QTMAN: variants seen among roughly 807,000 people sequenced by gnomAD.
QTMAN encodes the protein queuosine-tRNA mannosyltransferase, also known as tRNA-queuosine alpha-mannosyltransferase.
the QTMAN span, chr2:144,007,550 G>T: frequency 1.3e-6 from 2 of 1,502,804 alleles, no homozygotes; most frequent in Admixed American, 4.4e-5. Context: ...TACAAAAAAA[G>T]AATGCAATAT....
chr2:144,259,945 A>C, the QTMAN span, among the ~76,000 whole-genome samples: 1 of 152,170 alleles, frequency 6.6e-6, no homozygotes, highest in Non-Finnish European at 1.5e-5. Context: ...TTAATTATAA[A>C]ATAGAATGCA....
At chr2:144,183,555 T>C in the QTMAN span, among the ~76,000 whole-genome samples, 1 of 152,212 alleles carries the variant, frequency 6.6e-6, no homozygotes, top group East Asian at 1.9e-4. Context: ...TCATTCTATA[T>C]GGCTAGAAAT....
At chr2:144,113,364 C>T in the QTMAN span, among the ~76,000 whole-genome samples, 10 of 151,580 alleles carry the variant, frequency 6.6e-5, no homozygotes, top group Admixed American at 3.3e-4. Context: ...CAAAAAGAAT[C>T]GGTGACCCTG....
the QTMAN span, chr2:144,145,697 A>T: frequency 6.2e-7 from 1 of 1,611,676 alleles, no homozygotes; most frequent in Non-Finnish European, 8.5e-7. Context: ...GCCGAAGGGC[A>T]GCCAGTTCGG....
chr2:144,318,017 CAT>C, the QTMAN span, among the ~76,000 whole-genome samples: 2 of 152,070 alleles, frequency 1.3e-5, no homozygotes, highest in Non-Finnish European at 2.9e-5. Flanking sequence ...AAAGGAAAAA[CAT>C]AAACTGCAAT....
the QTMAN span, among the ~76,000 whole-genome samples, chr2:143,986,282 G>C: frequency 5.1e-4 from 77 of 152,230 alleles, 1 homozygote; most frequent in East Asian, 0.013. Flanking sequence ...AGAATTTTTG[G>C]CCTCAAAAAA....
the QTMAN span, among the ~76,000 whole-genome samples, chr2:144,023,308 G>GAAA: frequency 1.1e-3 from 163 of 149,446 alleles, 2 homozygotes; most frequent in African/African-American, 3.9e-3. Context: ...CCTTAAAAAG[G>GAAA]AAAAAAAAAG....
chr2:143,954,773 A>T, the QTMAN span, among the ~76,000 whole-genome samples: 1 of 151,986 alleles, frequency 6.6e-6, no homozygotes, highest in Non-Finnish European at 1.5e-5. Context: ...TATTTTTTTT[A>T]AATTATCTCA....
the QTMAN span, among the ~76,000 whole-genome samples, chr2:143,982,098 C>T: frequency 6.6e-6 from 1 of 152,186 alleles, no homozygotes; most frequent in African/African-American, 2.4e-5. Flanking sequence ...CTAATAACAT[C>T]ACGTGCTATA....
the QTMAN span, chr2:144,211,406 T>C: frequency 6.6e-6 from 1 of 152,576 alleles, no homozygotes; most frequent in Non-Finnish European, 1.5e-5. Context: ...CTAGGGAAAA[T>C]AACTATGTCC....
chr2:144,181,743 G>A, the QTMAN span, among the ~76,000 whole-genome samples: 1 of 152,058 alleles, frequency 6.6e-6, no homozygotes, highest in Non-Finnish European at 1.5e-5. Context: ...CCCGGGAGAT[G>A]GAGGCCGCAG....
At chr2:144,119,470 G>A in the QTMAN span, among the ~76,000 whole-genome samples, 1 of 152,170 alleles carries the variant, frequency 6.6e-6, no homozygotes, top group African/African-American at 2.4e-5. Flanking sequence ...CGTCTTCTCT[G>A]CAATCCCTGT....
the QTMAN span, among the ~76,000 whole-genome samples, chr2:144,073,653 C>T: frequency 7.2e-5 from 11 of 152,134 alleles, no homozygotes; most frequent in African/African-American, 1.7e-4. Context: ...GATAACATAA[C>T]GTTTGAAAAA....
the QTMAN span, among the ~76,000 whole-genome samples, chr2:143,978,999 G>T: frequency 3.9e-5 from 6 of 152,126 alleles, no homozygotes; most frequent in African/African-American, 1.4e-4. Flanking sequence ...ATGTTTGCAA[G>T]AATTGTTGTA....
chr2:144,135,312 ATGGGC>A, the QTMAN span, among the ~76,000 whole-genome samples: 1 of 152,164 alleles, frequency 6.6e-6, no homozygotes, highest in Non-Finnish European at 1.5e-5. Context: ...ATCTAATGTG[ATGGGC>A]TGGGCACTGC....
chr2:144,324,607 C>T, the QTMAN span, among the ~76,000 whole-genome samples: 1 of 152,122 alleles, frequency 6.6e-6, no homozygotes, highest in Non-Finnish European at 1.5e-5. Context: ...TTAAGAAGGC[C>T]TCAGGCAATG....
At chr2:144,078,104 T>C in the QTMAN span, among the ~76,000 whole-genome samples, 2 of 152,210 alleles carry the variant, frequency 1.3e-5, no homozygotes, top group African/African-American at 4.8e-5. Context: ...AAGCATGCTA[T>C]AGCACTCTAA....
chr2:144,158,279 T>G, the QTMAN span, among the ~76,000 whole-genome samples: 1 of 152,030 alleles, frequency 6.6e-6, no homozygotes, highest in East Asian at 1.9e-4. Flanking sequence ...AACCTGAGCA[T>G]CTGGCAACTC....
chr2:144,130,997 G>A, the QTMAN span, among the ~76,000 whole-genome samples: 1 of 151,880 alleles, frequency 6.6e-6, no homozygotes, highest in Non-Finnish European at 1.5e-5. Flanking sequence ...GAAAAGATCT[G>A]ATGGTTTTAC....
Sources: allele counts gnomAD v4.1 joint callset (sites outside exome capture counted in the v4.1 genomes callset), GRCh38; gene constraint gnomAD v4.1.1; transcripts MANE v1.5; gene names NCBI Gene and HGNC (gene_info 2026-07-23, HGNC 2026-07-21).